SOX6: variants seen among roughly 807,000 people sequenced by gnomAD.
SOX6 encodes SRY-box transcription factor 6, also known as transcription factor SOX-6.
A neutral mutation model predicts 97.8 loss-of-function variants in SOX6; 11 were observed. That is an observed-to-expected ratio of 0.11 (90% CI 0.07 to 0.19). The LOEUF (loss-of-function observed/expected upper bound fraction) is 0.19, where lower values mean the gene tolerates loss of function less well. SOX6 is among the 10% of genes least tolerant of loss of function. The pLI is 1.00. For missense variants in SOX6, 810 were observed against 1,039.5 expected, an observed-to-expected ratio of 0.78 and a Z score of 3.04; for synonymous variants, 360 against 371.4, an observed-to-expected ratio of 0.97 and a Z score of 0.35.
At chr11:16,039,295 C>T (rs559365656) in intron 12 of SOX6, among the ~76,000 whole-genome samples, 4 of 152,168 alleles carry the variant, frequency 2.6e-5, no homozygotes, top group African/African-American at 7.2e-5. Context: ...TACTGTTTTG[C>T]TCCTTAATTC....
chr11:16,728,947 T>C (rs1365379793), intron 2 of SOX6, among the ~76,000 whole-genome samples: 1 of 152,082 alleles, frequency 6.6e-6, no homozygotes. Context: ...CAAGTATCAA[T>C]GCCCAAACTG....
chr11:16,083,253 AGT>A (rs930470617), intron 9 of SOX6, among the ~76,000 whole-genome samples: 19 of 152,288 alleles, frequency 1.2e-4, no homozygotes, highest in African/African-American at 4.1e-4. Context: ...TCTTGATCTT[AGT>A]GTGCCCAAAA....
chr11:16,525,508 A>C (rs1320291207), intron 4 of SOX6, among the ~76,000 whole-genome samples: 1 of 152,096 alleles, frequency 6.6e-6, no homozygotes, highest in East Asian at 1.9e-4. Flanking sequence ...CTTAAACGTT[A>C]GACATAAAAC....
intron 3 of SOX6, among the ~76,000 whole-genome samples, chr11:16,276,876 C>T (rs865826692): frequency 8.5e-5 from 13 of 152,324 alleles, no homozygotes; most frequent in Middle Eastern, 3.4e-3. Context: ...ATAATTTTGT[C>T]ACCTGAAGTA....
intron 4 of SOX6, among the ~76,000 whole-genome samples, chr11:16,582,611 CA>C (rs949864840): frequency 2.1e-5 from 3 of 146,028 alleles, no homozygotes; most frequent in South Asian, 2.2e-4. Flanking sequence ...CAAAAGATCT[CA>C]AAAAAAAACC....
At chr11:16,536,476 G>T (rs1212872987) in intron 4 of SOX6, among the ~76,000 whole-genome samples, 1 of 152,200 alleles carries the variant, frequency 6.6e-6, no homozygotes, top group African/African-American at 2.4e-5. Flanking sequence ...AGCCCATGGA[G>T]GGTGAGCTGA....
chr11:16,498,288 T>TAAAAAGAGCAGCCCTAAAAAAAAAAA (rs1408306756), intron 4 of SOX6, among the ~76,000 whole-genome samples: 2 of 152,116 alleles, frequency 1.3e-5, no homozygotes, highest in African/African-American at 4.8e-5. Flanking sequence ...AGGCCTGCCC[T>TAAAAAGAGCAGCCCTAAAAAAAAAAA]AAAAGAGCTC....
chr11:16,028,662 C>T (rs986685128), intron 12 of SOX6, among the ~76,000 whole-genome samples: 10 of 152,102 alleles, frequency 6.6e-5, no homozygotes, highest in Non-Finnish European at 1.5e-5. Flanking sequence ...ACTGCAAGAC[C>T]GAGAAGCTAA....
chr11:16,454,554 C>T (rs567682647), intron 1 of SOX6, among the ~76,000 whole-genome samples: 67 of 152,028 alleles, frequency 4.4e-4, no homozygotes, highest in African/African-American at 1.5e-3. Flanking sequence ...GCTGAGTACC[C>T]GATTTTTCTC....
In SOX6 at chr11:16,613,337, G is replaced by T. The variant is rs1477665627; in HGVS notation, n.430-1077C>A. Reference sequence around the variant, plus strand: ...CCCTGGAGAAGGGCACAAACACGGCGGGGGCTTTATTTTTCAGGTCTCTCC... The same window carrying T: ...CCCTGGAGAAGGGCACAAACACGGCTGGGGCTTTATTTTTCAGGTCTCTCC... On this transcript the variant is annotated intron_variant and non_coding_transcript_variant, in intron 3 of 5. Transcript: ENST00000524520. This position sits in a 1 kb window ranked among gnomAD's most constrained non-coding sequence, Gnocchi z 4.6. The T allele has an allele frequency of 6.6e-6, 1 of 152,218 alleles. No homozygotes were observed. The highest frequency in any genetic ancestry group is 1.9e-4 in the East Asian group (1 of 5,184). 9.4% of individuals were successfully genotyped at this position (152,218 alleles called of 1,614,324 possible). A position where few individuals can be genotyped will look rare whatever the true frequency, so the allele number is the denominator to read the frequency against.
chr11:16,719,288 T>G (rs968098553), intron 2 of SOX6, among the ~76,000 whole-genome samples: 15 of 152,222 alleles, frequency 9.9e-5, no homozygotes, highest in African/African-American at 3.4e-4. Context: ...TGCGTTGTTA[T>G]GGGCCAAAAT....
intron 7 of SOX6, among the ~76,000 whole-genome samples, chr11:16,105,505 C>T (rs1313666977): frequency 6.6e-6 from 1 of 151,922 alleles, no homozygotes; most frequent in Non-Finnish European, 1.5e-5. Context: ...GAGTTCAAGG[C>T]CACAGTGAAC....
At chr11:16,539,949 A>G (rs1861376986) in intron 4 of SOX6, among the ~76,000 whole-genome samples, 1 of 152,184 alleles carries the variant, frequency 6.6e-6, no homozygotes, top group Non-Finnish European at 1.5e-5. Flanking sequence ...AAAAGAGGGA[A>G]TCCTCCCTAA....
intron 4 of SOX6, among the ~76,000 whole-genome samples, chr11:16,503,925 C>A (rs1433861761): frequency 1.3e-5 from 2 of 151,958 alleles, no homozygotes; most frequent in East Asian, 3.9e-4. Flanking sequence ...TGCCTGTAGT[C>A]CCAGCTACTC....
intron 6 of SOX6, among the ~76,000 whole-genome samples, chr11:16,168,920 T>G (rs1850958036): frequency 6.6e-6 from 1 of 152,170 alleles, no homozygotes; most frequent in Non-Finnish European, 1.5e-5. Flanking sequence ...ATCAACAATT[T>G]CTTCGCCTTT....
intron 4 of SOX6, among the ~76,000 whole-genome samples, chr11:16,498,150 G>C (rs1860638983): frequency 6.6e-6 from 1 of 152,170 alleles, no homozygotes; most frequent in South Asian, 2.1e-4. Flanking sequence ...AGAAGACAGT[G>C]GGGGCCAATA....
At chr11:16,197,606 T>C (rs1427633711) in intron 4 of SOX6, among the ~76,000 whole-genome samples, 2 of 152,222 alleles carry the variant, frequency 1.3e-5, no homozygotes, top group Non-Finnish European at 2.9e-5. Flanking sequence ...AAATAGCATG[T>C]TCTTTTCATT....
chr11:16,302,292 C>T (rs1378245335), intron 3 of SOX6, among the ~76,000 whole-genome samples: 1 of 152,176 alleles, frequency 6.6e-6, no homozygotes, highest in Non-Finnish European at 1.5e-5. Flanking sequence ...GGATAAAATT[C>T]AATTTCTGTA....
At chr11:16,537,584 G>A (rs771025618) in intron 4 of SOX6, among the ~76,000 whole-genome samples, 4 of 152,178 alleles carry the variant, frequency 2.6e-5, no homozygotes, top group Admixed American at 6.5e-5. Context: ...TTGAAAAAAG[G>A]TTAGATGAAT....
Sources: gnomAD v4.1 joint callset for allele counts (sites outside exome capture counted in the v4.1 genomes callset) on GRCh38, gnomAD v4.1.1 for gene constraint, Gnocchi (gnomAD v3.1) non-coding constraint, MANE v1.5 for transcripts, NCBI Gene and HGNC (gene_info 2026-07-23, HGNC 2026-07-21) for gene names.